The following RBMS3 variants were observed in gnomAD, a reference collection of about 807,000 sequenced individuals.
RBMS3 encodes RNA binding motif single stranded interacting protein 3, also known as RNA-binding motif, single-stranded-interacting protein 3.
A neutral mutation model predicts 66.8 loss-of-function variants in RBMS3; 27 were observed. The observed-to-expected ratio is 0.40, with a 90% CI of 0.30 to 0.56. The LOEUF (loss-of-function observed/expected upper bound fraction) is 0.56. Ranked by LOEUF, RBMS3 falls within the 20% of genes least tolerant of loss-of-function variation. The pLI, the probability that RBMS3 is intolerant of heterozygous loss-of-function variation, is 0.40. For synonymous variants in RBMS3, 188 were observed against 183.0 expected, an observed-to-expected ratio of 1.03 and a Z score of -0.22; for missense variants, 513 against 549.5, an observed-to-expected ratio of 0.93 and a Z score of 0.66.
At chr3:29,501,338 A>G (rs1040920604) in intron 3 of RBMS3, among the ~76,000 whole-genome samples, 3 of 152,152 alleles carry the variant, frequency 2.0e-5, no homozygotes, top group Non-Finnish European at 4.4e-5. Context: ...GCGTCTTTCA[A>G]AAGTTACTAG....
At chr3:29,846,514 A>C (rs2058781211) in intron 6 of RBMS3, among the ~76,000 whole-genome samples, 1 of 152,194 alleles carries the variant, frequency 6.6e-6, no homozygotes, top group African/African-American at 2.4e-5. Flanking sequence ...TGTCAGTCAC[A>C]TGCAAATCTT....
At chr3:29,785,642 C>A (rs1033051627) in intron 6 of RBMS3, among the ~76,000 whole-genome samples, 2 of 152,020 alleles carry the variant, frequency 1.3e-5, no homozygotes, top group Admixed American at 6.6e-5. Flanking sequence ...CAAAATCCAG[C>A]ATTTCTTTAT....
At chr3:29,288,011 T>A (rs919687541) in intron 1 of RBMS3, among the ~76,000 whole-genome samples, 5 of 152,068 alleles carry the variant, frequency 3.3e-5, no homozygotes, top group Admixed American at 2.6e-4. Flanking sequence ...GAGTATGTAT[T>A]ATGTGGAATC....
At chr3:29,503,690 C>A (rs1283059250) in intron 3 of RBMS3, among the ~76,000 whole-genome samples, 1 of 152,074 alleles carries the variant, frequency 6.6e-6, no homozygotes, top group East Asian at 1.9e-4. Flanking sequence ...AACAGCAAGG[C>A]AGTCATTTCA....
intron 12 of RBMS3, among the ~76,000 whole-genome samples, chr3:29,959,684 G>T (rs142364390): frequency 2.5e-4 from 38 of 152,228 alleles, no homozygotes; most frequent in African/African-American, 8.2e-4. Context: ...TTACAGTTCT[G>T]CAGGGCTCGG....
At chr3:29,722,249 T>C (rs1405074304) in intron 4 of RBMS3, among the ~76,000 whole-genome samples, 1 of 152,132 alleles carries the variant, frequency 6.6e-6, no homozygotes, top group Non-Finnish European at 1.5e-5. Flanking sequence ...GTTGCAAAAA[T>C]ACCATAATAC....
At position 29,488,423 on chromosome 3, in the gene RBMS3, T is replaced by C; in HGVS notation, c.249-18T>C. ...TGGGTTACAATAACATGGGTTTTTTTCTCTCTCTCTCTTTCAGGTATGGAA... is the reference window on the plus strand; with the variant it reads ...TGGGTTACAATAACATGGGTTTTTTCCTCTCTCTCTCTTTCAGGTATGGAA... On this transcript the variant is annotated intron_variant, in intron 2 of 14. Coordinates refer to ENST00000383767, the MANE Select transcript of RBMS3 (RefSeq NM_001003793.3). 1 of 297,292 alleles carries C rather than the reference T, an allele frequency of 3.4e-6. No individual in the cohort carries two copies. Among genetic ancestry groups the C allele is most frequent in the Non-Finnish European group, 4.8e-6 (1 of 208,166 alleles). 18.4% of individuals were successfully genotyped at this position (297,292 alleles called of 1,614,324 possible).
At chr3:29,392,985 T>A (rs1160800842) in intron 1 of RBMS3, among the ~76,000 whole-genome samples, 2 of 152,184 alleles carry the variant, frequency 1.3e-5, no homozygotes, top group African/African-American at 4.8e-5. Flanking sequence ...AGATTCACCC[T>A]GCTGAATTTT....
At chr3:29,754,962 C>G (rs1417092242) in intron 5 of RBMS3, among the ~76,000 whole-genome samples, 1 of 152,036 alleles carries the variant, frequency 6.6e-6, no homozygotes, top group Non-Finnish European at 1.5e-5. Flanking sequence ...GTACTTATGT[C>G]TCTCTGGGCC....
chr3:29,976,069 T>G (rs1253366906), intron 12 of RBMS3, among the ~76,000 whole-genome samples: 1 of 151,966 alleles, frequency 6.6e-6, no homozygotes, highest in African/African-American at 2.4e-5. Flanking sequence ...TTATTTTGGT[T>G]TTTGATGATA....
chr3:29,600,406 CCTT>C (rs1263313619), intron 4 of RBMS3, among the ~76,000 whole-genome samples: 1 of 151,988 alleles, frequency 6.6e-6, no homozygotes, highest in Non-Finnish European at 1.5e-5. Context: ...GCCACTTTGA[CCTT>C]CTCTCTTGCC....
chr3:29,884,436 C>A, intron 8 of RBMS3, among the ~76,000 whole-genome samples: 1 of 113,674 alleles, frequency 8.8e-6, no homozygotes, highest in South Asian at 3.6e-4. Flanking sequence ...CTCTCTCTCT[C>A]TCTCTCTCTC....
chr3:29,465,603 G>A lies in RBMS3; in HGVS notation c.249-22838G>A, dbSNP rs563084616. On this transcript the variant is annotated intron_variant, in intron 2 of 14. Transcript: ENST00000383767. ...TGAGCTGAGGGGTCTTTCAGAACGC[G>A]TACTTTGTATTTGTAGGCTCTGGTA... Among the ~76,000 whole-genome samples the A allele has an allele frequency of 6.0e-5, 9 of 150,374 alleles. No homozygotes were observed. The South Asian group carries it at 8.4e-4, about 14-fold the overall frequency.
intron 10 of RBMS3, among the ~76,000 whole-genome samples, chr3:29,929,971 G>A (rs1249909282): frequency 6.6e-6 from 1 of 151,508 alleles, no homozygotes; most frequent in South Asian, 2.1e-4. Context: ...TAATAGTCCT[G>A]TTTTCTTTCA....
intron 3 of RBMS3, among the ~76,000 whole-genome samples, chr3:29,511,761 G>A (rs1161350458): frequency 6.6e-6 from 1 of 151,642 alleles, no homozygotes; most frequent in Non-Finnish European, 1.5e-5. Context: ...TAACAAAAAT[G>A]GGATTTTCAC....
In RBMS3 at chr3:29,281,131, T is replaced by TC. The variant is rs2031725152; in HGVS notation, c.-551_-550insC. 1 of 139,644 alleles carries TC rather than the reference T, an allele frequency of 7.2e-6. No homozygotes were observed. Among genetic ancestry groups the TC allele is most frequent in the Non-Finnish European group, 1.6e-5 (1 of 63,862 alleles). The allele number at this position is 139,644 out of a possible 1,614,324, so 8.7% of individuals were successfully genotyped here. The stretch of plus-strand genomic sequence containing the variant: ...TGTACAAGGTTTTTTTTTTTTTTTT[T>TC]TCTTCCTTTTTTTCTTTTTTTTTTT... On this transcript the variant is annotated 5_prime_UTR_variant, in exon 1 of 15. Transcript: ENST00000383767.
chr3:29,865,826 G>A (rs966201139), intron 6 of RBMS3, among the ~76,000 whole-genome samples: 1 of 152,036 alleles, frequency 6.6e-6, no homozygotes, highest in South Asian at 2.1e-4. Flanking sequence ...AGTGCAAACA[G>A]GTACGACAAG....
chr3:29,787,568 T>C (rs145060825), intron 6 of RBMS3, among the ~76,000 whole-genome samples: 1 of 152,308 alleles, frequency 6.6e-6, no homozygotes, highest in Non-Finnish European at 1.5e-5. Flanking sequence ...AATTGGAGAC[T>C]ATTATTCTAA....
rs564946614 is a variant in RBMS3 at position 29,748,652 on chromosome 3, A to G, written c.557+8775A>G. ...GGGCATGGATGCTGTGAGGAGGGGC[A>G]TGATCAAAAGTCTCCAACTCATGGC... On this transcript the variant is annotated intron_variant, in intron 5 of 14. Coordinates refer to ENST00000383767, the MANE Select transcript of RBMS3 (RefSeq NM_001003793.3). Among the ~76,000 whole-genome samples the G allele has an allele frequency of 3.9e-5, 6 of 152,318 alleles. No individual in the cohort carries two copies. In the South Asian group the frequency reaches 1.2e-3, roughly 32 times the overall value.
Sources: allele counts gnomAD v4.1 joint callset (sites outside exome capture counted in the v4.1 genomes callset), GRCh38; gene constraint gnomAD v4.1.1; transcripts MANE v1.5; gene names NCBI Gene and HGNC (gene_info 2026-07-23, HGNC 2026-07-21).